Variants in SCD5 observed in about 807,000 individuals in gnomAD.
SCD5 encodes the protein acyl-CoA-desaturase 4.
SCD5 carries 20 observed loss-of-function variants against 30.4 expected under a neutral mutation model. The observed-to-expected ratio is 0.66, with a 90% CI of 0.46 to 0.96. The LOEUF is 0.96. Among genes scored for constraint, SCD5 ranks in the 40% least tolerant of loss-of-function variants. SCD5 has a pLI of 0.00. For synonymous variants in SCD5, 173 were observed against 176.4 expected (o/e 0.98, Z 0.16); for missense variants, 381 against 443.3 (o/e 0.86, Z 1.26).
intron 1 of SCD5, among the ~76,000 whole-genome samples, chr4:82,724,681 T>C (rs1456141933): frequency 6.6e-6 from 1 of 152,052 alleles, no homozygotes; most frequent in Non-Finnish European, 1.5e-5. Flanking sequence ...ATCTGAAAAA[T>C]GGGAAGAACA....
chr4:82,676,142 C>T (rs926935459), intron 3 of SCD5, among the ~76,000 whole-genome samples: 11 of 152,114 alleles, frequency 7.2e-5, no homozygotes, highest in Admixed American at 2.0e-4. Flanking sequence ...ATTTAGTGAT[C>T]AGTTTGCACC....
At chr4:82,640,532 G>A (rs1046495974) in intron 3 of SCD5, among the ~76,000 whole-genome samples, 2 of 152,202 alleles carry the variant, frequency 1.3e-5, no homozygotes, top group African/African-American at 4.8e-5. Flanking sequence ...AATTTTTAGG[G>A]GGCACAGTAA....
At chr4:82,759,648 TAA>T (rs70938309) in intron 1 of SCD5, among the ~76,000 whole-genome samples, 165 of 125,528 alleles carry the variant, frequency 1.3e-3, no homozygotes, top group Middle Eastern at 0.013. Context: ...AACCCCGTCT[TAA>T]AAAAAAAAAA....
At chr4:82,711,364 T>A (rs765067097) in intron 1 of SCD5, among the ~76,000 whole-genome samples, 7 of 152,064 alleles carry the variant, frequency 4.6e-5, no homozygotes, top group Non-Finnish European at 5.9e-5. Context: ...TGGCATCTAG[T>A]GGGTGGAAGC....
At chr4:82,768,732 G>T (rs1250614025) in intron 1 of SCD5, among the ~76,000 whole-genome samples, 1 of 152,156 alleles carries the variant, frequency 6.6e-6, no homozygotes, top group African/African-American at 2.4e-5. Flanking sequence ...AAATGGTAGA[G>T]GGGGGCTTTA....
At chr4:82,672,127 C>T (rs955869430) in intron 3 of SCD5, among the ~76,000 whole-genome samples, 1 of 151,990 alleles carries the variant, frequency 6.6e-6, no homozygotes, top group African/African-American at 2.4e-5. Flanking sequence ...ATTAACTAAG[C>T]TTCCATCTTA....
intron 1 of SCD5, among the ~76,000 whole-genome samples, chr4:82,764,306 C>T (rs1721441279): frequency 6.6e-6 from 1 of 152,184 alleles, no homozygotes; most frequent in South Asian, 2.1e-4. Context: ...TTGGACAGCC[C>T]TGATTTAGAT....
intron 1 of SCD5, among the ~76,000 whole-genome samples, chr4:82,745,350 G>C (rs561878089): frequency 4.6e-5 from 7 of 152,196 alleles, no homozygotes; most frequent in African/African-American, 1.7e-4. Context: ...TTTCCCTGCA[G>C]GCAGACCTCA....
At chr4:82,736,400 G>A (rs912920608) in intron 1 of SCD5, among the ~76,000 whole-genome samples, 4 of 152,182 alleles carry the variant, frequency 2.6e-5, no homozygotes, top group Middle Eastern at 3.4e-3. Flanking sequence ...GCCGAGGTCA[G>A]GAGTTCGAGA....
chr4:82,653,477 A>G (rs957748651), intron 3 of SCD5, among the ~76,000 whole-genome samples: 6 of 152,160 alleles, frequency 3.9e-5, no homozygotes, highest in South Asian at 2.1e-4. Flanking sequence ...AAATCCCCTC[A>G]CTACCACCTG....
chr4:82,646,846 G>A (rs1412483473), intron 3 of SCD5, among the ~76,000 whole-genome samples: 1 of 152,112 alleles, frequency 6.6e-6, no homozygotes, highest in Admixed American at 6.5e-5. Context: ...CTTTTGAGAC[G>A]GAGTCTCGCT....
intron 3 of SCD5, among the ~76,000 whole-genome samples, chr4:82,639,355 G>A (rs1021271047): frequency 1.1e-4 from 17 of 152,180 alleles, no homozygotes; most frequent in Admixed American, 6.5e-4. Flanking sequence ...GATGATCTGC[G>A]AGTAAGGGAA....
At chr4:82,762,667 G>A (rs1352562500) in intron 1 of SCD5, among the ~76,000 whole-genome samples, 2 of 152,234 alleles carry the variant, frequency 1.3e-5, no homozygotes, top group Non-Finnish European at 2.9e-5. Context: ...ACTTGTTGTG[G>A]GTGGAGCGAG....
At chr4:82,721,166 A>T (rs545133102) in intron 1 of SCD5, among the ~76,000 whole-genome samples, 49 of 152,018 alleles carry the variant, frequency 3.2e-4, no homozygotes, top group African/African-American at 1.1e-3. Flanking sequence ...ATCTTAAAAC[A>T]AAAACAAAAA....
At chr4:82,705,846 T>C (rs1403927106) in intron 1 of SCD5, among the ~76,000 whole-genome samples, 1 of 152,218 alleles carries the variant, frequency 6.6e-6, no homozygotes, top group Non-Finnish European at 1.5e-5. Flanking sequence ...GCAGTGCCCA[T>C]TATTGGTATC....
chr4:82,797,649 T>A (rs1472988842), intron 1 of SCD5, among the ~76,000 whole-genome samples: 1 of 151,920 alleles, frequency 6.6e-6, no homozygotes, highest in East Asian at 1.9e-4. Flanking sequence ...GCTCTCGCCA[T>A]GGGATCGGTT....
intron 3 of SCD5, among the ~76,000 whole-genome samples, chr4:82,670,965 G>A (rs943839527): frequency 1.3e-5 from 2 of 151,906 alleles, no homozygotes; most frequent in African/African-American, 4.8e-5. Context: ...CAAAAAACAA[G>A]ACCCAACTAT....
At chr4:82,705,822 C>G (rs1452954391) in intron 1 of SCD5, among the ~76,000 whole-genome samples, 2 of 152,184 alleles carry the variant, frequency 1.3e-5, no homozygotes, top group Non-Finnish European at 2.9e-5. Context: ...ATGTGAAGAG[C>G]ATATTTCTAA....
chr4:82,727,627 A>C (rs1720534550), intron 1 of SCD5, among the ~76,000 whole-genome samples: 1 of 152,192 alleles, frequency 6.6e-6, no homozygotes, highest in Non-Finnish European at 1.5e-5. Context: ...CTTCATAGGT[A>C]AATCCCTTAC....
Sources: allele counts gnomAD v4.1 joint callset (sites outside exome capture counted in the v4.1 genomes callset), GRCh38; gene constraint gnomAD v4.1.1; transcripts MANE v1.5; gene names NCBI Gene and HGNC (gene_info 2026-07-23, HGNC 2026-07-21).